Variants in SHROOM4 observed in about 807,000 individuals in gnomAD.
SHROOM4 encodes shroom family member 4, also known as protein Shroom4.
A neutral mutation model predicts 80.3 loss-of-function variants in SHROOM4; 17 were observed. That is an observed-to-expected ratio of 0.21 (90% CI 0.14 to 0.32). SHROOM4 has a LOEUF of 0.32. Among genes scored for constraint, SHROOM4 ranks in the 10% least tolerant of loss-of-function variants. SHROOM4 has a pLI of 1.00. For missense variants in SHROOM4, 993 were observed against 1,140.3 expected (o/e 0.87, Z 1.86); for synonymous variants, 400 against 437.5 (o/e 0.91, Z 1.07).
chrX:50,650,026 T>C (rs1931980046), intron 2 of SHROOM4, among the ~76,000 whole-genome samples: 1 of 112,203 alleles, frequency 8.9e-6, no homozygotes, highest in Non-Finnish European at 1.9e-5. Context: ...ATATTGTGCA[T>C]TTACATGGAG....
At chrX:50,795,120 TATATATGATATATATATATATATATG>T (rs1557271971) in intron 1 of SHROOM4, among the ~76,000 whole-genome samples, 103 of 5,268 alleles carry the variant, frequency 0.02, 13 homozygotes, top group African/African-American at 0.027. Context: ...ATATGATATA[TATATATGATATATATATATATATATG>T]ATATATATAT....
At chrX:50,812,504 G>A (rs1275485043) in intron 1 of SHROOM4, among the ~76,000 whole-genome samples, 1 of 109,279 alleles carries the variant, frequency 9.2e-6, no homozygotes, top group Admixed American at 9.8e-5. Flanking sequence ...TGATCAGAGG[G>A]GTCCCTGCCA....
intron 1 of SHROOM4, among the ~76,000 whole-genome samples, chrX:50,801,339 T>C (rs999990769): frequency 4.6e-5 from 5 of 108,523 alleles, no homozygotes; most frequent in South Asian, 4.1e-4. Context: ...AGTGCTTTTC[T>C]GGGGCCTGTT....
chrX:50,682,241 C>G (rs1932957205), intron 2 of SHROOM4, among the ~76,000 whole-genome samples: 1 of 111,856 alleles, frequency 8.9e-6, no homozygotes, highest in Admixed American at 9.5e-5. Flanking sequence ...TTAACTCAAT[C>G]CAATTTGGCA....
chrX:50,713,402 G>C (rs1217804394), intron 1 of SHROOM4, among the ~76,000 whole-genome samples: 4 of 111,003 alleles, frequency 3.6e-5, no homozygotes, highest in Non-Finnish European at 7.6e-5. Context: ...AGGCCTAGGT[G>C]GGGGGATTGC....
chrX:50,738,347 A>G (rs1354532865), intron 1 of SHROOM4, among the ~76,000 whole-genome samples: 1 of 110,972 alleles, frequency 9.0e-6, no homozygotes, highest in African/African-American at 3.3e-5. Flanking sequence ...CGCAGGAGAA[A>G]GAAATAAAGG....
intron 2 of SHROOM4, among the ~76,000 whole-genome samples, chrX:50,673,508 G>C (rs182997083): frequency 9.1e-6 from 1 of 109,401 alleles, no homozygotes; most frequent in African/African-American, 3.4e-5. Context: ...GTAAAAAAGA[G>C]AACAAAGAGA....
At chrX:50,708,115 C>G (rs1557264112) in intron 1 of SHROOM4, among the ~76,000 whole-genome samples, 1 of 112,207 alleles carries the variant, frequency 8.9e-6, no homozygotes. Flanking sequence ...CCACAGATTC[C>G]TGGCATCACT....
chrX:50,581,751 A>G, the SHROOM4 span, among the ~76,000 whole-genome samples: 1 of 112,014 alleles, frequency 8.9e-6, no homozygotes, highest in Non-Finnish European at 1.9e-5. Context: ...TAAGCTTTTA[A>G]GAGAATTCAG....
At chrX:50,646,394 G>C (rs1288960166) in intron 2 of SHROOM4, among the ~76,000 whole-genome samples, 2 of 110,210 alleles carry the variant, frequency 1.8e-5, no homozygotes, top group African/African-American at 6.6e-5. Flanking sequence ...GACAGAAGAG[G>C]GGAAAAGCTG....
intron 1 of SHROOM4, among the ~76,000 whole-genome samples, chrX:50,784,960 T>C (rs781932293): frequency 1.2e-3 from 133 of 111,694 alleles, no homozygotes; most frequent in African/African-American, 4.1e-3. Context: ...AAGATTTAAA[T>C]AGACACTTCA....
intron 1 of SHROOM4, among the ~76,000 whole-genome samples, chrX:50,801,294 A>T (rs1215960151): frequency 2.5e-5 from 1 of 40,011 alleles, no homozygotes; most frequent in East Asian, 1.3e-3. Context: ...GAGAGAGAAC[A>T]CGTACTGCCA....
intron 1 of SHROOM4, among the ~76,000 whole-genome samples, chrX:50,730,198 C>T (rs1004353245): frequency 1.7e-4 from 19 of 111,003 alleles, no homozygotes; most frequent in Non-Finnish European, 3.0e-4. Context: ...GAGGCCGAGG[C>T]GGGCGGATCA....
Position 50,693,521 on chromosome X carries a change from A to G in SHROOM4, c.269+2265T>C, listed in dbSNP as rs186445749. On this transcript the variant is annotated intron_variant, in intron 2 of 8. Transcript: ENST00000376020. ...GCGGAGGTTGCAGTTAGCCGAGATC[A>G]TGCCACTGCACTCCAGCCTGGGCGA... Among the ~76,000 whole-genome samples the G allele has an allele frequency of 1.0e-3, 106 of 106,394 alleles. 1 individual carries two copies. Among genetic ancestry groups the G allele is most frequent in the Admixed American group, 1.8e-3 (18 of 9,998 alleles). 92.4% of individuals were successfully genotyped at this position (106,394 alleles called of 115,157 possible). A position where few individuals can be genotyped will look rare whatever the true frequency, so the allele number is the denominator to read the frequency against.
At chrX:50,760,859 C>CCATTCA (rs1289830332) in intron 1 of SHROOM4, among the ~76,000 whole-genome samples, 1 of 111,503 alleles carries the variant, frequency 9.0e-6, no homozygotes, top group African/African-American at 3.3e-5. Flanking sequence ...GTTATTTACT[C>CCATTCA]CATTCACATT....
intron 1 of SHROOM4, among the ~76,000 whole-genome samples, chrX:50,704,492 C>T (rs782680159): frequency 8.9e-6 from 1 of 112,165 alleles, no homozygotes. Context: ...GATTAACTAT[C>T]TGGAATCTGA....
chrX:50,663,689 T>A (rs1932592934), intron 2 of SHROOM4, among the ~76,000 whole-genome samples: 1 of 111,247 alleles, frequency 9.0e-6, no homozygotes, highest in African/African-American at 3.3e-5. Flanking sequence ...ATCCCTTTTT[T>A]ATGCATTCCT....
intron 2 of SHROOM4, among the ~76,000 whole-genome samples, chrX:50,660,508 TTCTC>T (rs782511926): frequency 5.2e-4 from 45 of 86,132 alleles, no homozygotes; most frequent in African/African-American, 7.2e-4. Flanking sequence ...AGTGTTGAGC[TTCTC>T]TCTCTCTCTC....
Position 50,602,678 on chromosome X carries a change from A to C in SHROOM4, c.3897T>G (p.Ile1299Met), listed in dbSNP as rs782695184. 3.8e-5 allele frequency: 46 copies of C among 1,209,626 alleles called. No individual in the cohort carries two copies. Among genetic ancestry groups the C allele is most frequent in the Non-Finnish European group, 5.1e-5 (46 of 895,270 alleles). ...KLKDQPEMAE[I>M]GLGEEEVDHE... ...GGTCAACTTCCTCCTCTCCTAGGCC[A>C]ATCTCTGCCATCTCAGGTTGGTCTT... Residue 1299 changes from isoleucine to methionine, a missense_variant, in exon 7 of 9, where the codon ATT becomes ATG. Coordinates refer to ENST00000376020, the MANE Select transcript of SHROOM4 (RefSeq NM_020717.5).
Sources: allele counts gnomAD v4.1 joint callset (sites outside exome capture counted in the v4.1 genomes callset), GRCh38; gene constraint gnomAD v4.1.1; transcripts MANE v1.5; gene names NCBI Gene and HGNC (gene_info 2026-07-23, HGNC 2026-07-21).